The following EPSTI1 variants were observed in gnomAD, a reference collection of about 807,000 sequenced individuals.
The protein encoded by EPSTI1 is epithelial-stromal interaction protein 1.
A neutral mutation model predicts 49.9 loss-of-function variants in EPSTI1; 66 were observed. The ratio of observed to expected loss-of-function variants is 1.32; its 90% CI spans 1.08 to 1.62. The LOEUF (loss-of-function observed/expected upper bound fraction) is 1.62. Ranked by LOEUF, EPSTI1 falls within the 40% of genes most tolerant of loss-of-function variation. The pLI, the probability that EPSTI1 is intolerant of heterozygous loss-of-function variation, is 0.00. For synonymous variants in EPSTI1, 137 were observed against 130.7 expected (o/e 1.05, Z -0.33); for missense variants, 394 against 365.5 (o/e 1.08, Z -0.64).
At chr13:42,978,837 A>G (rs911679899) in intron 1 of EPSTI1, among the ~76,000 whole-genome samples, 5 of 152,172 alleles carry the variant, frequency 3.3e-5, no homozygotes, top group Admixed American at 1.3e-4. Context: ...TCACTAGGAC[A>G]TCTCCTTTCT....
chr13:42,945,297 C>T (rs1158667072), intron 6 of EPSTI1, among the ~76,000 whole-genome samples: 2 of 152,164 alleles, frequency 1.3e-5, no homozygotes, highest in Non-Finnish European at 2.9e-5. Flanking sequence ...TTCAGTATCA[C>T]AAGAACAGCA....
In EPSTI1 at chr13:42,899,479, G is replaced by C. The variant is rs374372234; in HGVS notation, c.815+831C>G. The stretch of plus-strand genomic sequence containing the variant: ...CCGCCCACAGTTAGAGGCACCATCA[G>C]AACAGGGAGCTTCCACTGAATGCTT... On this transcript the variant is annotated intron_variant, in intron 9 of 10. Transcript: ENST00000313624. 3.3e-3 allele frequency among the ~76,000 whole-genome samples: 508 copies of C among 152,288 alleles called. 2 individuals carry two copies. The highest frequency in any genetic ancestry group is 0.02 in the South Asian group (96 of 4,826).
chr13:42,968,691 C>T (rs2153432790), intron 3 of EPSTI1, among the ~76,000 whole-genome samples: 1 of 152,214 alleles, frequency 6.6e-6, no homozygotes, highest in South Asian at 2.1e-4. Context: ...ACTCTCCACT[C>T]CTTTTCTTCA....
intron 8 of EPSTI1, among the ~76,000 whole-genome samples, chr13:42,907,254 C>A (rs1252039795): frequency 6.6e-6 from 1 of 152,186 alleles, no homozygotes; most frequent in Admixed American, 6.5e-5. Flanking sequence ...CAAAACTTAT[C>A]TGCACTCTAT....
At chr13:42,963,635 G>A (rs1175886005) in intron 4 of EPSTI1, 5 of 354,006 alleles carry the variant, frequency 1.4e-5, no homozygotes, top group East Asian at 9.9e-5. Flanking sequence ...GTGTGTATTG[G>A]GGAGGGAAAA....
In EPSTI1 at chr13:42,990,762, T is replaced by A. The variant is rs111958526; in HGVS notation, c.188+1216A>T. ...AAGGGATGAAAGAAAATCTACTGTTTATCGGCCATAAGGTTATATACTGTT... is the reference window on the plus strand; with the variant it reads ...AAGGGATGAAAGAAAATCTACTGTTAATCGGCCATAAGGTTATATACTGTT... On this transcript the variant is annotated intron_variant, in intron 1 of 10. Coordinates refer to ENST00000313624, the MANE Select transcript of EPSTI1 (RefSeq NM_033255.5). Among the ~76,000 whole-genome samples the A allele has an allele frequency of 2.6e-4, 39 of 152,332 alleles. 1 individual carries two copies. The highest frequency in any genetic ancestry group is 9.1e-4 in the African/African-American group (38 of 41,568).
At chr13:42,893,946 T>G (rs935802411) in intron 10 of EPSTI1, among the ~76,000 whole-genome samples, 1 of 152,232 alleles carries the variant, frequency 6.6e-6, no homozygotes, top group Non-Finnish European at 1.5e-5. Context: ...GCGTTTCAAT[T>G]ATTTTCTCTG....
chr13:42,959,501 C>T lies in EPSTI1; in HGVS notation c.489+3754G>A, dbSNP rs146138144. Among the ~76,000 whole-genome samples, 1,523 of 152,334 alleles carry T rather than the reference C, an allele frequency of 1.0e-2. 25 individuals are homozygous for T. Among genetic ancestry groups the T allele is most frequent in the African/African-American group, 0.033 (1,379 of 41,568 alleles). On this transcript the variant is annotated intron_variant, in intron 5 of 10. Coordinates refer to ENST00000313624, the MANE Select transcript of EPSTI1 (RefSeq NM_033255.5). ...AACTGTTAGCCCTTGCTACTACTTG[C>T]TTCCTAGAAATAAGAAAGCAACAAG... is the stretch of plus-strand genomic sequence containing the variant.
chr13:42,945,239 G>T (rs9533314), intron 6 of EPSTI1, among the ~76,000 whole-genome samples: 50,236 of 152,066 alleles, frequency 0.33, 8,761 homozygotes, highest in East Asian at 0.57. Flanking sequence ...GAAACAGTGG[G>T]TGCAGGGGAA....
At chr13:42,894,880 T>A in intron 10 of EPSTI1, 129 bp downstream of exon 10, 1 of 738,664 alleles carries the variant, frequency 1.4e-6, no homozygotes, top group East Asian at 3.0e-5. Context: ...TGACTGCCCA[T>A]CACACTGCCA....
chr13:42,990,849 A>C (rs1416006867), intron 1 of EPSTI1, among the ~76,000 whole-genome samples: 1 of 152,238 alleles, frequency 6.6e-6, no homozygotes, highest in Non-Finnish European at 1.5e-5. Flanking sequence ...GAGACTAAAA[A>C]TAAAACCATC....
chr13:42,986,724 G>A (rs899384891), intron 1 of EPSTI1, among the ~76,000 whole-genome samples: 6 of 128,184 alleles, frequency 4.7e-5, no homozygotes, highest in African/African-American at 1.6e-4. Flanking sequence ...CAGCCTGGGT[G>A]ACACAGCAAG....
intron 6 of EPSTI1, among the ~76,000 whole-genome samples, chr13:42,945,444 C>T (rs1354965007): frequency 1.3e-5 from 2 of 152,190 alleles, no homozygotes; most frequent in African/African-American, 4.8e-5. Context: ...GACACAGACC[C>T]AAATGCTATA....
At chr13:42,894,647 T>C (rs1184874083) in intron 10 of EPSTI1, among the ~76,000 whole-genome samples, 1 of 148,044 alleles carries the variant, frequency 6.8e-6, no homozygotes, top group Non-Finnish European at 1.5e-5. Flanking sequence ...TACTAGAGAA[T>C]GCTTATTATT....
In EPSTI1 at chr13:42,968,954, A is replaced by ACACACACACACACACACACAC. The variant is rs5803160; in HGVS notation, c.331+139_331+140insGTGTGTGTGTGTGTGTGTGTG. On this transcript the variant is annotated intron_variant, in intron 3 of 10. Coordinates refer to ENST00000313624, the MANE Select transcript of EPSTI1 (RefSeq NM_033255.5). ...CACACACACACACACACACACACACAATTAAATGCATTCCACCCAAGCAGC... is the reference window on the plus strand; with the variant it reads ...CACACACACACACACACACACACACACACACACACACACACACACACATTAAATGCATTCCACCCAAGCAGC... 2,853 of 540,022 alleles carry ACACACACACACACACACACAC rather than the reference A, an allele frequency of 5.3e-3. 220 individuals are homozygous for ACACACACACACACACACACAC. The highest frequency in any genetic ancestry group is 0.03 in the East Asian group (866 of 29,034). 33.5% of individuals were successfully genotyped at this position (540,022 alleles called of 1,614,324 possible). A position where few individuals can be genotyped will look rare whatever the true frequency, so the allele number is the denominator to read the frequency against.
At chr13:42,939,075 A>AC (rs1408070940) in intron 6 of EPSTI1, among the ~76,000 whole-genome samples, 9 of 151,956 alleles carry the variant, frequency 5.9e-5, no homozygotes, top group Non-Finnish European at 7.4e-5. Context: ...TCATGAACCA[A>AC]CCTCTGCTAG....
chr13:42,979,826 C>G (rs1308225481), intron 1 of EPSTI1, among the ~76,000 whole-genome samples: 1 of 151,836 alleles, frequency 6.6e-6, no homozygotes, highest in Non-Finnish European at 1.5e-5. Flanking sequence ...AATATAATAC[C>G]ATTATCACAC....
intron 6 of EPSTI1, among the ~76,000 whole-genome samples, chr13:42,947,225 A>T (rs900720688): frequency 1.3e-5 from 2 of 152,200 alleles, no homozygotes; most frequent in African/African-American, 4.8e-5. Flanking sequence ...GATATTCACA[A>T]AATGTGTTAT....
intron 8 of EPSTI1, among the ~76,000 whole-genome samples, chr13:42,904,328 G>T (rs1351589047): frequency 6.6e-6 from 1 of 152,140 alleles, no homozygotes; most frequent in East Asian, 1.9e-4. Flanking sequence ...TAAACTACAG[G>T]TTGCCTGTCA....
Sources: gnomAD v4.1 joint callset for allele counts (sites outside exome capture counted in the v4.1 genomes callset) on GRCh38, gnomAD v4.1.1 for gene constraint, MANE v1.5 for transcripts, NCBI Gene and HGNC (gene_info 2026-07-23, HGNC 2026-07-21) for gene names.